ZNF626: variants seen among roughly 807,000 people sequenced by gnomAD.
The protein encoded by ZNF626 is zinc finger protein 626.
A neutral mutation model predicts 11.7 loss-of-function variants in ZNF626; 4 were observed. The observed-to-expected ratio is 0.34, with a 90% CI of 0.17 to 0.78. The LOEUF is 0.78. ZNF626 is among the 30% of genes least tolerant of loss of function. ZNF626 has a pLI of 0.57. For synonymous variants in ZNF626, 179 were observed against 198.6 expected (o/e 0.90, Z 0.83); for missense variants, 588 against 587.1 (o/e 1.00, Z -0.01).
intron 1 of ZNF626, among the ~76,000 whole-genome samples, chr19:20,647,875 C>A (rs1007861474): frequency 1.3e-5 from 2 of 151,930 alleles, no homozygotes; most frequent in African/African-American, 4.8e-5. Context: ...AATTATAGTC[C>A]GAATGTAACC....
rs782257606 is a variant in ZNF626, at chr19:20,625,311, G to C, written c.566C>G (p.Thr189Ser). The change falls in exon 4 of 4, where the codon ACT becomes AGT. Residue 189 changes from threonine (T) to serine (S), a missense_variant. By Grantham distance (58) the Thr-to-Ser change is moderately conservative. Transcript: ENST00000601440. ...TCCAGTATGAATTTTCTTATGTGTAGTAAGAGTTGAGAACTGCTTAAAAGC... is the reference window on the plus strand; with the variant it reads ...TCCAGTATGAATTTTCTTATGTGTACTAAGAGTTGAGAACTGCTTAAAAGC... ...GKAFKQFSTLTTHKKIHTGGK... is the reference protein window; with the variant it reads ...GKAFKQFSTLSTHKKIHTGGK... 1.9e-6 allele frequency: 3 copies of C among 1,613,608 alleles called. No homozygotes were observed. The highest frequency in any genetic ancestry group is 2.5e-6 in the Non-Finnish European group (3 of 1,179,698).
chr19:20,623,910 TAAA>T lies in ZNF626; in HGVS notation c.*377_*379del. On this transcript the variant is annotated 3_prime_UTR_variant, in exon 4 of 4. Coordinates refer to ENST00000601440, the MANE Select transcript of ZNF626 (RefSeq NM_001076675.3). Reference sequence around the variant, plus strand: ...GTGTAATAAAGGTTGAGAAGTTCCTTAAAAAATCTGTCACATTCTTTATATTTG... The same window carrying T: ...GTGTAATAAAGGTTGAGAAGTTCCTTAAATCTGTCACATTCTTTATATTTG... 1 of 362,696 alleles carries T rather than the reference TAAA, an allele frequency of 2.8e-6. No individual in the cohort carries two copies. Among genetic ancestry groups the T allele is most frequent in the East Asian group, 6.7e-5 (1 of 15,000 alleles). 22.5% of individuals were successfully genotyped at this position (362,696 alleles called of 1,614,324 possible).
intron 3 of ZNF626, among the ~76,000 whole-genome samples, chr19:20,629,468 T>G (rs1357802361): frequency 6.6e-6 from 1 of 152,206 alleles, no homozygotes; most frequent in Non-Finnish European, 1.5e-5. Context: ...TGAGCAGTGG[T>G]TTGTAGTCCT....
chr19:20,657,023 T>C (rs1437442688), intron 1 of ZNF626, among the ~76,000 whole-genome samples: 2 of 152,176 alleles, frequency 1.3e-5, no homozygotes, highest in Admixed American at 6.5e-5. Flanking sequence ...CTATTCACAA[T>C]AGCAAAGACG....
intron 3 of ZNF626, among the ~76,000 whole-genome samples, chr19:20,628,231 A>T (rs10411430): frequency 0.45 from 67,943 of 151,634 alleles, 16,435 homozygotes; most frequent in African/African-American, 0.64. Flanking sequence ...ATAGTGCTGC[A>T]ATAAACATAC....
chr19:20,629,186 C>A (rs1356019006), intron 3 of ZNF626, among the ~76,000 whole-genome samples: 7 of 152,070 alleles, frequency 4.6e-5, no homozygotes, highest in Non-Finnish European at 8.8e-5. Flanking sequence ...GTTACTGTAG[C>A]CTTGTAGTAT....
chr19:20,658,758 A>G (rs1555773402), intron 1 of ZNF626, among the ~76,000 whole-genome samples: 1 of 152,114 alleles, frequency 6.6e-6, no homozygotes, highest in South Asian at 2.1e-4. Flanking sequence ...CACCACCTAG[A>G]GACAGCACAG....
chr19:20,656,338 G>T (rs1410200306), intron 1 of ZNF626, among the ~76,000 whole-genome samples: 9 of 151,534 alleles, frequency 5.9e-5, no homozygotes. Flanking sequence ...AAGAAACTCT[G>T]CAAGATAACA....
intron 3 of ZNF626, among the ~76,000 whole-genome samples, chr19:20,638,293 C>T (rs1318484397): frequency 5.3e-4 from 80 of 151,870 alleles, no homozygotes; most frequent in African/African-American, 1.6e-3. Flanking sequence ...GGCATGGTGG[C>T]GGGCACCTGT....
At chr19:20,644,761 TAATA>T (rs1970057012) in intron 3 of ZNF626, 1 of 152,180 alleles carries the variant, frequency 6.6e-6, no homozygotes, top group African/African-American at 2.4e-5. Flanking sequence ...CTCTCTAAAC[TAATA>T]AATACACTCA....
intron 1 of ZNF626, among the ~76,000 whole-genome samples, chr19:20,652,287 A>G (rs1401063172): frequency 1.5e-5 from 2 of 135,536 alleles, no homozygotes; most frequent in African/African-American, 6.4e-5. Context: ...ATTCTAAATG[A>G]TAAGTCTACA....
At chr19:20,643,868 T>C (rs1555771677) in intron 3 of ZNF626, among the ~76,000 whole-genome samples, 1 of 152,186 alleles carries the variant, frequency 6.6e-6, no homozygotes, top group East Asian at 1.9e-4. Context: ...GATGCAGTTG[T>C]GAAACCCTAT....
intron 3 of ZNF626, among the ~76,000 whole-genome samples, chr19:20,643,137 T>C (rs1414453565): frequency 6.6e-6 from 1 of 152,174 alleles, no homozygotes; most frequent in Non-Finnish European, 1.5e-5. Flanking sequence ...GAATATGCAG[T>C]ATAATTATAA....
intron 1 of ZNF626, among the ~76,000 whole-genome samples, chr19:20,653,645 AAAAAAAAG>A (rs1249494845): frequency 7.2e-4 from 65 of 89,858 alleles, no homozygotes; most frequent in Non-Finnish European, 9.4e-4. Flanking sequence ...TCCCAGCAAA[AAAAAAAAG>A]AAAAAGAAAA....
chr19:20,658,658 A>G (rs78407104), intron 1 of ZNF626, among the ~76,000 whole-genome samples: 7,282 of 152,202 alleles, frequency 0.048, 201 homozygotes, highest in Non-Finnish European at 0.049. Flanking sequence ...GGCCCCAGTG[A>G]TATCTTTTTT....
chr19:20,639,685 C>A (rs1970003016), intron 3 of ZNF626, among the ~76,000 whole-genome samples: 1 of 152,100 alleles, frequency 6.6e-6, no homozygotes, highest in Non-Finnish European at 1.5e-5. Context: ...TACAGAGAGC[C>A]AAAATTATGC....
At chr19:20,661,360 G>A (rs1970265949) in intron 1 of ZNF626, 84 bp downstream of exon 1, 1 of 1,559,050 alleles carries the variant, frequency 6.4e-7, no homozygotes, top group Non-Finnish European at 8.8e-7. Flanking sequence ...TGACTGCGGG[G>A]AGGCCTGAGT....
chr19:20,645,716 A>T lies in ZNF626; in HGVS notation c.194T>A (p.Met65Lys). The T allele has an allele frequency of 6.2e-7, 1 of 1,611,856 alleles. No individual in the cohort carries two copies. Among genetic ancestry groups the T allele is most frequent in the Non-Finnish European group, 8.5e-7 (1 of 1,179,530 alleles). Reference sequence around the variant, plus strand: ...TTTGGCTATCATCTCATTTCTCTTCATGGTCAAAGGTTTTCTTCCTTGCTC... The same window carrying T: ...TTTGGCTATCATCTCATTTCTCTTCTTGGTCAAAGGTTTTCTTCCTTGCTC... ...CLEQGRKPLT[M>K]KRNEMIAKPS... is the part of the protein sequence containing the mutation. Residue 65 changes from methionine (M) to lysine (K), a missense_variant, in exon 3 of 4, where the codon ATG becomes AAG. Coordinates refer to ENST00000601440, the MANE Select transcript of ZNF626 (RefSeq NM_001076675.3).
At chr19:20,635,442 C>A (rs568192774) in intron 3 of ZNF626, among the ~76,000 whole-genome samples, 2 of 152,272 alleles carry the variant, frequency 1.3e-5, no homozygotes, top group Non-Finnish European at 2.9e-5. Context: ...TCTGCCTCAG[C>A]CTTCTCAGTA....
Sources: gnomAD v4.1 joint callset for allele counts (sites outside exome capture counted in the v4.1 genomes callset) on GRCh38, gnomAD v4.1.1 for gene constraint, MANE v1.5 for transcripts, NCBI Gene and HGNC (gene_info 2026-07-23, HGNC 2026-07-21) for gene names.